NHSL1: variants seen among roughly 807,000 people sequenced by gnomAD.
NHSL1 encodes the protein NHS-like protein 1.
In NHSL1, 48 loss-of-function variants were observed where a neutral mutation model predicts 95.0. That is an observed-to-expected ratio of 0.51 (90% CI 0.40 to 0.64). The LOEUF (loss-of-function observed/expected upper bound fraction) is 0.64, where lower values mean the gene tolerates loss of function less well. Ranked by LOEUF, NHSL1 falls within the 30% of genes least tolerant of loss-of-function variation. The pLI is 0.00. For missense variants in NHSL1, 1,971 were observed against 2,077.7 expected, an observed-to-expected ratio of 0.95 and a Z score of 1.00; for synonymous variants, 783 against 833.9, an observed-to-expected ratio of 0.94 and a Z score of 1.05.
intron 2 of NHSL1, among the ~76,000 whole-genome samples, chr6:138,483,710 G>A (rs2128265626): frequency 6.6e-6 from 1 of 152,246 alleles, no homozygotes; most frequent in East Asian, 1.9e-4. Flanking sequence ...GTCAGATTAT[G>A]TCACTTCTAA....
chr6:138,424,324 C>A lies in NHSL1; in HGVS notation c.4578G>T (p.Ser1526=). ...RIQSSPMTVI[S]EGEGEAVEPV... is the part of the protein sequence containing the mutation. Reference sequence around the variant, plus strand: ...GCTCCACGGCTTCCCCTTCTCCCTCCGAGATGACGGTCATGGGGCTGCTCT... The same window carrying A: ...GCTCCACGGCTTCCCCTTCTCCCTCAGAGATGACGGTCATGGGGCTGCTCT... The change falls in exon 8 of 8, where the codon TCG becomes TCT. Residue 1526 remains serine (S), a synonymous_variant. Coordinates refer to ENST00000343505, the MANE Select transcript of NHSL1 (RefSeq NM_001144060.2). This position sits in a 1 kb window ranked among gnomAD's most constrained non-coding sequence, Gnocchi z 5.9. The A allele has an allele frequency of 6.5e-7, 1 of 1,531,262 alleles. No homozygotes were observed. The highest frequency in any genetic ancestry group is 8.8e-7 in the Non-Finnish European group (1 of 1,135,412). 94.9% of individuals were successfully genotyped at this position (1,531,262 alleles called of 1,614,324 possible).
At chr6:138,657,429 G>C (rs772427195) in intron 1 of NHSL1, among the ~76,000 whole-genome samples, 25 of 152,202 alleles carry the variant, frequency 1.6e-4, no homozygotes, top group Non-Finnish European at 1.0e-4. Context: ...CACCTTGTCT[G>C]TATGAAACAT....
chr6:138,447,943 A>G (rs1359497162), intron 3 of NHSL1, among the ~76,000 whole-genome samples: 1 of 152,202 alleles, frequency 6.6e-6, no homozygotes, highest in Non-Finnish European at 1.5e-5. Flanking sequence ...AGGACATTTC[A>G]AAAATGATAG....
intron 1 of NHSL1, among the ~76,000 whole-genome samples, chr6:138,552,056 T>A (rs73560937): frequency 0.034 from 5,175 of 152,258 alleles, 292 homozygotes; most frequent in African/African-American, 0.12. Flanking sequence ...TGGCCTTGGG[T>A]AGACACATTC....
intron 2 of NHSL1, among the ~76,000 whole-genome samples, chr6:138,488,325 C>T (rs191681401): frequency 2.0e-5 from 3 of 152,236 alleles, no homozygotes; most frequent in East Asian, 1.9e-4. Context: ...CTGACCTTCA[C>T]CTTTTGCATA....
chr6:138,687,998 C>G (rs1785609305), intron 1 of NHSL1, among the ~76,000 whole-genome samples: 1 of 152,114 alleles, frequency 6.6e-6, no homozygotes, highest in African/African-American at 2.4e-5. Context: ...ATCTCCCAGG[C>G]TGGGGTGCAG....
intron 1 of NHSL1, among the ~76,000 whole-genome samples, chr6:138,599,451 G>A (rs945524961): frequency 6.6e-6 from 1 of 152,104 alleles, no homozygotes; most frequent in Non-Finnish European, 1.5e-5. Flanking sequence ...GACTGAGGCT[G>A]CAGTGAGCCG....
chr6:138,605,736 T>C (rs1169637914), intron 1 of NHSL1, among the ~76,000 whole-genome samples: 1 of 152,252 alleles, frequency 6.6e-6, no homozygotes, highest in African/African-American at 2.4e-5. Flanking sequence ...CATATTCATC[T>C]GATTAAGGTA....
intron 1 of NHSL1, among the ~76,000 whole-genome samples, chr6:138,629,678 C>T (rs971067189): frequency 6.6e-6 from 1 of 152,164 alleles, no homozygotes; most frequent in Non-Finnish European, 1.5e-5. Flanking sequence ...CCACCACGCC[C>T]GGCCTTACAT....
At chr6:138,540,576 A>C (rs1782540026) in intron 1 of NHSL1, among the ~76,000 whole-genome samples, 1 of 152,226 alleles carries the variant, frequency 6.6e-6, no homozygotes, top group Admixed American at 6.5e-5. Context: ...TACACAACAT[A>C]CAAAAGACAA....
intron 1 of NHSL1, among the ~76,000 whole-genome samples, chr6:138,628,681 G>T (rs1003427913): frequency 1.4e-4 from 22 of 152,352 alleles, no homozygotes; most frequent in African/African-American, 5.0e-4. Context: ...CTGGAAGGTG[G>T]AGGTTGTAGT....
chr6:138,487,658 T>C (rs981771973), intron 2 of NHSL1, among the ~76,000 whole-genome samples: 3 of 152,130 alleles, frequency 2.0e-5, no homozygotes, highest in Admixed American at 6.5e-5. Context: ...AACATAGAAA[T>C]CATAAATTGT....
At chr6:138,615,365 A>G (rs898273721) in intron 1 of NHSL1, among the ~76,000 whole-genome samples, 1 of 152,228 alleles carries the variant, frequency 6.6e-6, no homozygotes, top group South Asian at 2.1e-4. Flanking sequence ...ACATACTCCC[A>G]ATCTTCTTTG....
intron 3 of NHSL1, among the ~76,000 whole-genome samples, chr6:138,471,418 C>T (rs909884297): frequency 6.6e-6 from 1 of 152,130 alleles, no homozygotes; most frequent in African/African-American, 2.4e-5. Context: ...TCATTTTCCA[C>T]TCATGCCAAC....
At chr6:138,571,845 C>G in exon 1 of NHSL1, 1 of 1,551,902 alleles carries the variant, frequency 6.4e-7, no homozygotes, top group African/African-American at 1.4e-5. Context: ...ATCCAACTTA[C>G]AGCACGTGAG....
At chr6:138,618,619 C>A (rs922905576) in intron 1 of NHSL1, among the ~76,000 whole-genome samples, 1 of 152,060 alleles carries the variant, frequency 6.6e-6, no homozygotes, top group Non-Finnish European at 1.5e-5. Context: ...ACACATTTAA[C>A]TATGATATTC....
intron 1 of NHSL1, among the ~76,000 whole-genome samples, chr6:138,682,919 C>A (rs186784259): frequency 5.3e-5 from 8 of 152,328 alleles, no homozygotes; most frequent in African/African-American, 1.9e-4. Context: ...CGAGGAAAGC[C>A]GAGGTGCAGG....
intron 1 of NHSL1, among the ~76,000 whole-genome samples, chr6:138,616,589 G>T (rs561439676): frequency 6.6e-6 from 1 of 152,046 alleles, no homozygotes; most frequent in Non-Finnish European, 1.5e-5. Context: ...AGCTGATTTG[G>T]GTGTACCTTC....
intron 1 of NHSL1, among the ~76,000 whole-genome samples, chr6:138,509,596 G>A (rs558251040): frequency 1.3e-5 from 2 of 152,142 alleles, no homozygotes; most frequent in South Asian, 2.1e-4. Flanking sequence ...GACACTCAAC[G>A]ACACACTGGT....
Sources: allele counts gnomAD v4.1 joint callset (sites outside exome capture counted in the v4.1 genomes callset), GRCh38; gene constraint gnomAD v4.1.1; non-coding constraint Gnocchi (gnomAD v3.1); transcripts MANE v1.5; gene names NCBI Gene and HGNC (gene_info 2026-07-23, HGNC 2026-07-21).